LRRFIP1: variants seen among roughly 807,000 people sequenced by gnomAD.
LRRFIP1 encodes the protein leucine-rich repeat flightless-interacting protein 1.
A neutral mutation model predicts 104.4 loss-of-function variants in LRRFIP1; 62 were observed. The observed-to-expected ratio is 0.59, with a 90% confidence interval of 0.48 to 0.73. LRRFIP1 has a LOEUF of 0.73. LRRFIP1 is among the 30% of genes least tolerant of loss of function. The probability of loss-of-function intolerance (pLI) is 0.00; values close to 1 mark genes in which losing one functional copy is unlikely to be tolerated. For missense variants in LRRFIP1, 796 were observed against 824.5 expected, an observed-to-expected ratio of 0.97 and a Z score of 0.42; for synonymous variants, 300 against 299.0, an observed-to-expected ratio of 1.00 and a Z score of -0.03.
At chr2:237,684,920 C>G (rs1224785613) in intron 1 of LRRFIP1, among the ~76,000 whole-genome samples, 1 of 73,550 alleles carries the variant, frequency 1.4e-5, no homozygotes, top group South Asian at 4.5e-4. Flanking sequence ...AACCCTGTCT[C>G]TGAAAAAAAA....
chr2:237,666,049 C>T (rs890860696), intron 1 of LRRFIP1, among the ~76,000 whole-genome samples: 2 of 152,224 alleles, frequency 1.3e-5, no homozygotes, highest in Non-Finnish European at 2.9e-5. Flanking sequence ...ACGGCCCCAC[C>T]CTGGCTGCAC....
intron 1 of LRRFIP1, among the ~76,000 whole-genome samples, chr2:237,670,099 C>T (rs1318151205): frequency 6.6e-6 from 1 of 152,204 alleles, no homozygotes; most frequent in Non-Finnish European, 1.5e-5. Flanking sequence ...TGCATATTCT[C>T]ATGATGATTT....
intron 10 of LRRFIP1, among the ~76,000 whole-genome samples, chr2:237,737,050 G>A (rs1443800701): frequency 6.6e-6 from 1 of 152,194 alleles, no homozygotes. Flanking sequence ...CAGGGTCCAG[G>A]CTTCCCCCAG....
chr2:237,678,367 T>C (rs2091405677), intron 1 of LRRFIP1, among the ~76,000 whole-genome samples: 1 of 152,044 alleles, frequency 6.6e-6, no homozygotes, highest in South Asian at 2.1e-4. Context: ...CTGTGCAGAG[T>C]AGGGCAAGGT....
At chr2:237,751,107 C>A in intron 13 of LRRFIP1, 93 bp from the exon 14 acceptor site, 1 of 795,060 alleles carries the variant, frequency 1.3e-6, no homozygotes, top group South Asian at 1.7e-5. Flanking sequence ...GGTGCTCAGA[C>A]TACCCAAATA....
chr2:237,736,947 G>C (rs189157224), intron 10 of LRRFIP1, among the ~76,000 whole-genome samples: 1 of 152,166 alleles, frequency 6.6e-6, no homozygotes, highest in South Asian at 2.1e-4. Flanking sequence ...CCCTGCTCTC[G>C]GTCCAGCGTG....
chr2:237,740,250 A>G (rs934458736), intron 11 of LRRFIP1, among the ~76,000 whole-genome samples: 3 of 121,882 alleles, frequency 2.5e-5, no homozygotes, highest in Non-Finnish European at 5.3e-5. Flanking sequence ...TCTAAACAGT[A>G]AAAAAAAAAA....
chr2:237,740,517 A>G (rs371712695), intron 11 of LRRFIP1, among the ~76,000 whole-genome samples: 1 of 152,116 alleles, frequency 6.6e-6, no homozygotes, highest in South Asian at 2.1e-4. Context: ...GCTGATCCCT[A>G]CAATTTCTGT....
At chr2:237,745,212 G>A (rs933678882) in intron 11 of LRRFIP1, among the ~76,000 whole-genome samples, 2 of 152,198 alleles carry the variant, frequency 1.3e-5, no homozygotes, top group African/African-American at 4.8e-5. Flanking sequence ...GACACGAGTG[G>A]GGCTGCGTGG....
intron 20 of LRRFIP1, among the ~76,000 whole-genome samples, chr2:237,771,080 G>C (rs114611903): frequency 2.2e-4 from 34 of 152,052 alleles, no homozygotes; most frequent in African/African-American, 7.7e-4. Flanking sequence ...TTAATCAGGG[G>C]TCTCCTGTGC....
At chr2:237,666,288 A>G (rs1228784254) in intron 1 of LRRFIP1, among the ~76,000 whole-genome samples, 1 of 152,262 alleles carries the variant, frequency 6.6e-6, no homozygotes, top group Non-Finnish European at 1.5e-5. Context: ...CAGCAATGCA[A>G]GATATTCTTG....
Position 237,762,890 on chromosome 2 carries a change from G to A in LRRFIP1, c.1459+2685G>A, listed in dbSNP as rs766137276. On this transcript the variant is annotated intron_variant, in intron 19 of 23. Coordinates refer to ENST00000308482, the MANE Select transcript of LRRFIP1 (RefSeq NM_001137550.2). Reference sequence around the variant, plus strand: ...CACAGTACAGGTTGAGTCAAATGAGGTCATGGGTGCACCAGATGACAGGAC... The same window carrying A: ...CACAGTACAGGTTGAGTCAAATGAGATCATGGGTGCACCAGATGACAGGAC... 10 of 1,614,170 alleles carry A rather than the reference G, an allele frequency of 6.2e-6. No homozygotes were observed. In the South Asian group the frequency reaches 1.1e-4, roughly 18 times the overall value.
chr2:237,748,429 C>T, intron 12 of LRRFIP1, 30 bp downstream of exon 12: 1 of 1,566,142 alleles, frequency 6.4e-7, no homozygotes, highest in Non-Finnish European at 8.6e-7. Flanking sequence ...CCTAGAGGGT[C>T]CCAAAAGTTG....
At position 237,691,707 on chromosome 2, in the gene LRRFIP1, C is replaced by T. The variant is rs1198581779; in HGVS notation, c.97-16837C>T. On this transcript the variant is annotated intron_variant, in intron 1 of 23. Transcript: ENST00000308482. This position sits in a 1 kb window ranked among gnomAD's most constrained non-coding sequence, Gnocchi z 5.4. ...GCAGGTCCCCCCCCGGAGGGGACCCCCTCTTCGGGTCGACCCCTACTGGGC... is the reference window on the plus strand; with the variant it reads ...GCAGGTCCCCCCCCGGAGGGGACCCTCTCTTCGGGTCGACCCCTACTGGGC... Among the ~76,000 whole-genome samples the T allele has an allele frequency of 6.6e-6, 1 of 152,068 alleles. No homozygotes were observed.
At position 237,711,487 on chromosome 2, in the gene LRRFIP1, G is replaced by A. The variant is rs2094084788; in HGVS notation, c.184-2772G>A. On this transcript the variant is annotated intron_variant, in intron 2 of 23. Coordinates refer to ENST00000308482, the MANE Select transcript of LRRFIP1 (RefSeq NM_001137550.2). The surrounding 1 kb of genome is among the most constrained non-coding windows in gnomAD (Gnocchi z 4.4). ...GAGGGGGTGGTGTCCCTTGCAGGCA[G>A]CACCTTTGGCCAACGTCACCTTTTG... Among the ~76,000 whole-genome samples, 2 of 152,234 alleles carry A rather than the reference G, an allele frequency of 1.3e-5. No homozygotes were observed. Among genetic ancestry groups the A allele is most frequent in the African/African-American group, 4.8e-5 (2 of 41,454 alleles).
At chr2:237,746,959 A>T (rs1312712806) in intron 11 of LRRFIP1, among the ~76,000 whole-genome samples, 1 of 152,176 alleles carries the variant, frequency 6.6e-6, no homozygotes, top group Non-Finnish European at 1.5e-5. Flanking sequence ...GGCCTGAGGG[A>T]TGTGGCCTCT....
At chr2:237,645,445 G>A (rs73089769) in intron 1 of LRRFIP1, among the ~76,000 whole-genome samples, 4,925 of 148,726 alleles carry the variant, frequency 0.033, 268 homozygotes, top group African/African-American at 0.11. Flanking sequence ...CATGGACTCC[G>A]ACACCTTCCT....
At chr2:237,675,006 T>C (rs1350059685) in intron 1 of LRRFIP1, among the ~76,000 whole-genome samples, 1 of 152,238 alleles carries the variant, frequency 6.6e-6, no homozygotes, top group Non-Finnish European at 1.5e-5. Flanking sequence ...AGCACGCTGC[T>C]TCCTGCCTGC....
At position 237,627,747 on chromosome 2, in the gene LRRFIP1, G is replaced by T; in HGVS notation, c.96+7G>T. 1.6e-6 allele frequency: 2 copies of T among 1,262,322 alleles called. No homozygotes were observed. Among genetic ancestry groups the T allele is most frequent in the South Asian group, 4.4e-5 (2 of 45,376 alleles). 78.2% of individuals were successfully genotyped at this position (1,262,322 alleles called of 1,614,324 possible). On this transcript the variant is annotated splice_region_variant and intron_variant, in intron 1 of 23. Coordinates refer to ENST00000308482, the MANE Select transcript of LRRFIP1 (RefSeq NM_001137550.2). ...CAACCAGATCGCGCGGGAGGTGAGC[G>T]CTCCGGGAGGGCAGCCGGGGGGCGC...
Sources: allele counts gnomAD v4.1 joint callset (sites outside exome capture counted in the v4.1 genomes callset), GRCh38; gene constraint gnomAD v4.1.1; non-coding constraint Gnocchi (gnomAD v3.1); transcripts MANE v1.5; gene names NCBI Gene and HGNC (gene_info 2026-07-23, HGNC 2026-07-21).